The following SHISA9 variants were observed in gnomAD, a reference collection of about 807,000 sequenced individuals.
SHISA9 encodes the protein protein shisa-9.
Under a neutral mutation model 38.0 loss-of-function variants are expected in SHISA9, and 13 were observed. The ratio of observed to expected loss-of-function variants is 0.34; its 90% CI spans 0.22 to 0.54. The LOEUF (loss-of-function observed/expected upper bound fraction) is 0.54. Ranked by LOEUF, SHISA9 falls within the 20% of genes least tolerant of loss-of-function variation. The pLI, the probability that SHISA9 is intolerant of heterozygous loss-of-function variation, is 0.91. For synonymous variants in SHISA9, 275 were observed against 242.0 expected (o/e 1.14, Z -1.27); for missense variants, 538 against 575.8 (o/e 0.93, Z 0.67).
At chr16:13,101,122 A>G (rs1485482388) in intron 2 of SHISA9, among the ~76,000 whole-genome samples, 2 of 151,876 alleles carry the variant, frequency 1.3e-5, no homozygotes, top group Admixed American at 1.3e-4. Context: ...CTGTGGGGAG[A>G]GGGAAGTGGG....
intron 2 of SHISA9, among the ~76,000 whole-genome samples, chr16:13,181,267 T>TTATATATA (rs1156705123): frequency 6.2e-5 from 5 of 80,066 alleles, no homozygotes; most frequent in Non-Finnish European, 9.7e-5. Flanking sequence ...AAATAAAATT[T>TTATATATA]TATATATATA....
chr16:12,931,259 AT>A (rs572910314), intron 2 of SHISA9, among the ~76,000 whole-genome samples: 22 of 152,150 alleles, frequency 1.4e-4, no homozygotes, highest in South Asian at 6.2e-4. Flanking sequence ...GAAGTTGCCC[AT>A]TTTATTTCAC....
At chr16:13,526,038 C>T in the SHISA9 span, among the ~76,000 whole-genome samples, 1 of 152,222 alleles carries the variant, frequency 6.6e-6, no homozygotes, top group Non-Finnish European at 1.5e-5. Context: ...GCCACTGAAC[C>T]TGTTATCCTA....
intron 2 of SHISA9, among the ~76,000 whole-genome samples, chr16:12,982,880 TACTC>T (rs1008337585): frequency 1.3e-5 from 2 of 152,354 alleles, no homozygotes; most frequent in Non-Finnish European, 1.5e-5. Context: ...TCAGTTTCCT[TACTC>T]ACACGCTCGC....
At chr16:12,935,612 C>T (rs1242729239) in intron 2 of SHISA9, among the ~76,000 whole-genome samples, 3 of 152,068 alleles carry the variant, frequency 2.0e-5, no homozygotes, top group Non-Finnish European at 4.4e-5. Context: ...CTTTGGGAGG[C>T]TGAGGCAGGT....
At chr16:13,359,448 A>G in the SHISA9 span, among the ~76,000 whole-genome samples, 2 of 152,252 alleles carry the variant, frequency 1.3e-5, no homozygotes, top group African/African-American at 4.8e-5. Context: ...ATGCCATGGC[A>G]TTCCTGCCTA....
intron 2 of SHISA9, among the ~76,000 whole-genome samples, chr16:13,146,087 C>G (rs1231973489): frequency 1.3e-5 from 2 of 152,142 alleles, no homozygotes; most frequent in African/African-American, 4.8e-5. Context: ...ACTTGGGAGG[C>G]TGAGGTGGGA....
the SHISA9 span, among the ~76,000 whole-genome samples, chr16:13,312,027 G>C: frequency 6.6e-6 from 1 of 152,158 alleles, no homozygotes; most frequent in African/African-American, 2.4e-5. Flanking sequence ...GGAAGAGAGG[G>C]GGACAATCTA....
chr16:13,528,502 C>T, the SHISA9 span, among the ~76,000 whole-genome samples: 1 of 152,126 alleles, frequency 6.6e-6, no homozygotes, highest in Admixed American at 6.6e-5. Flanking sequence ...AACTGGGTTA[C>T]TGAATTGAAA....
intron 2 of SHISA9, among the ~76,000 whole-genome samples, chr16:13,109,821 C>A (rs184766652): frequency 3.3e-5 from 5 of 152,214 alleles, no homozygotes; most frequent in African/African-American, 1.2e-4. Context: ...GAGGTTCATC[C>A]CTGTCTTAGC....
chr16:13,204,722 T>C (rs1461769360), intron 3 of SHISA9: 1 of 152,252 alleles, frequency 6.6e-6, no homozygotes, highest in Non-Finnish European at 1.5e-5. Flanking sequence ...TGTTTTCTCA[T>C]AGTGATTCCA....
intron 2 of SHISA9, among the ~76,000 whole-genome samples, chr16:13,045,284 A>G (rs933448166): frequency 6.6e-6 from 1 of 152,206 alleles, no homozygotes; most frequent in Non-Finnish European, 1.5e-5. Flanking sequence ...GCCTACTATG[A>G]GGTAGATGGT....
the SHISA9 span, among the ~76,000 whole-genome samples, chr16:13,277,896 A>G: frequency 9.5e-3 from 1,442 of 152,068 alleles, 27 homozygotes; most frequent in African/African-American, 0.033. Flanking sequence ...ACTGATTTGG[A>G]TGCCCTTTTT....
chr16:12,951,220 CCAAAAAAAAAAAAAA>C lies in SHISA9; in HGVS notation c.691+34406_691+34420del, dbSNP rs1333802499. Among the ~76,000 whole-genome samples the C allele has an allele frequency of 9.2e-3, 714 of 77,682 alleles. 16 individuals carry two copies. Among genetic ancestry groups the C allele is most frequent in the Middle Eastern group, 0.069 (7 of 102 alleles). The allele number at this position is 77,682 out of a possible 152,430, so 51.0% of individuals were successfully genotyped here. On this transcript the variant is annotated intron_variant, in intron 2 of 4. Transcript: ENST00000558583. ...TGGGTGACAGAGCAAGACTCCTTCT[CCAAAAAAAAAAAAAA>C]AAAAAAAAAAAAAAGGCAAAAAAGC...
intron 2 of SHISA9, among the ~76,000 whole-genome samples, chr16:13,137,008 T>A (rs76282125): frequency 0.018 from 2,759 of 152,288 alleles, 35 homozygotes; most frequent in South Asian, 0.023. Flanking sequence ...GATGTCTGTC[T>A]CCGAGTAGAA....
At chr16:13,372,603 C>T in the SHISA9 span, among the ~76,000 whole-genome samples, 1 of 152,148 alleles carries the variant, frequency 6.6e-6, no homozygotes, top group Non-Finnish European at 1.5e-5. Context: ...GACCTTGGTC[C>T]CTTGAAACAG....
At chr16:13,328,581 T>C in the SHISA9 span, among the ~76,000 whole-genome samples, 1 of 132,784 alleles carries the variant, frequency 7.5e-6, no homozygotes, top group Non-Finnish European at 1.6e-5. Flanking sequence ...CCTGGCTAAA[T>C]ATATGTGTAT....
intron 2 of SHISA9, among the ~76,000 whole-genome samples, chr16:12,934,223 A>T (rs529571052): frequency 6.6e-6 from 1 of 152,306 alleles, no homozygotes; most frequent in South Asian, 2.1e-4. Context: ...CTGATTATAG[A>T]CTATAGCTAG....
the SHISA9 span, among the ~76,000 whole-genome samples, chr16:13,541,249 G>A: frequency 6.6e-6 from 1 of 152,204 alleles, no homozygotes; most frequent in African/African-American, 2.4e-5. Flanking sequence ...GCCATAAACA[G>A]TAGTGGCTCC....
Sources: allele counts gnomAD v4.1 joint callset (sites outside exome capture counted in the v4.1 genomes callset), GRCh38; gene constraint gnomAD v4.1.1; transcripts MANE v1.5; gene names NCBI Gene and HGNC (gene_info 2026-07-23, HGNC 2026-07-21).